ZZZ3: variants seen among roughly 807,000 people sequenced by gnomAD.
ZZZ3 encodes zinc finger ZZ-type containing 3.
Under a neutral mutation model 95.2 loss-of-function variants are expected in ZZZ3, and 22 were observed. The ratio of observed to expected loss-of-function variants is 0.23; its 90% confidence interval spans 0.17 to 0.33. The LOEUF (loss-of-function observed/expected upper bound fraction) is 0.33. ZZZ3 is among the 10% of genes least tolerant of loss of function. ZZZ3 has a pLI of 1.00. For synonymous variants in ZZZ3, 335 were observed against 358.9 expected (o/e 0.93, Z 0.75); for missense variants, 885 against 1,066.5 (o/e 0.83, Z 2.37).
At chr1:77,669,749 C>T (rs758776739) in intron 1 of ZZZ3, among the ~76,000 whole-genome samples, 5 of 151,960 alleles carry the variant, frequency 3.3e-5, no homozygotes, top group Non-Finnish European at 5.9e-5. Flanking sequence ...TGAGCCACTG[C>T]GCCCCGGCCT....
At chr1:77,593,368 A>G (rs1030121974) in intron 5 of ZZZ3, among the ~76,000 whole-genome samples, 1 of 152,256 alleles carries the variant, frequency 6.6e-6, no homozygotes, top group African/African-American at 2.4e-5. Flanking sequence ...TTAATATAGC[A>G]ATGAAAATGG....
intron 8 of ZZZ3, 66 bp from the exon 9 acceptor site, chr1:77,581,135 T>C: frequency 8.2e-7 from 1 of 1,217,998 alleles, no homozygotes; most frequent in Non-Finnish European, 1.2e-6. Context: ...TATAGCCAAA[T>C]AACACGCAAA....
intron 5 of ZZZ3, among the ~76,000 whole-genome samples, chr1:77,612,176 G>A (rs370646258): frequency 6.6e-6 from 1 of 151,882 alleles, no homozygotes; most frequent in South Asian, 2.1e-4. Context: ...ATGGTCAATG[G>A]GTATATGAAA....
At chr1:77,662,900 T>A (rs970456538) in intron 1 of ZZZ3, among the ~76,000 whole-genome samples, 6 of 151,808 alleles carry the variant, frequency 4.0e-5, no homozygotes, top group Non-Finnish European at 8.8e-5. Context: ...ATCTCAGGAG[T>A]TGGAGACCAG....
chr1:77,644,331 C>A (rs893347028), intron 1 of ZZZ3, among the ~76,000 whole-genome samples: 1 of 152,212 alleles, frequency 6.6e-6, no homozygotes, highest in African/African-American at 2.4e-5. Flanking sequence ...TCCCAAAGTG[C>A]TGGGATTACA....
intron 4 of ZZZ3, among the ~76,000 whole-genome samples, chr1:77,634,166 T>C (rs1165785415): frequency 2.0e-5 from 3 of 151,660 alleles, no homozygotes; most frequent in African/African-American, 7.3e-5. Context: ...TGAGACTGTC[T>C]CAAAAAAATA....
chr1:77,606,017 T>C (rs904649483), intron 5 of ZZZ3, among the ~76,000 whole-genome samples: 7 of 152,206 alleles, frequency 4.6e-5, no homozygotes, highest in Admixed American at 2.6e-4. Flanking sequence ...CACAGTGGGA[T>C]AGAGCACCAA....
chr1:77,628,756 T>C (rs1052911757), intron 5 of ZZZ3, among the ~76,000 whole-genome samples: 6 of 152,206 alleles, frequency 3.9e-5, no homozygotes, highest in Non-Finnish European at 8.8e-5. Flanking sequence ...CAAAGAATTA[T>C]GCCATGCTCA....
chr1:77,575,341 T>G (rs1024554103), intron 12 of ZZZ3, among the ~76,000 whole-genome samples: 1 of 152,240 alleles, frequency 6.6e-6, no homozygotes, highest in Non-Finnish European at 1.5e-5. Flanking sequence ...ATCACTATTC[T>G]GTAACATCTA....
At chr1:77,616,959 A>G (rs1263163600) in intron 5 of ZZZ3, among the ~76,000 whole-genome samples, 1 of 152,216 alleles carries the variant, frequency 6.6e-6, no homozygotes, top group African/African-American at 2.4e-5. Flanking sequence ...TATATGTTCT[A>G]CTATACTTAA....
At chr1:77,644,901 G>A (rs1295234017) in intron 1 of ZZZ3, among the ~76,000 whole-genome samples, 1 of 152,182 alleles carries the variant, frequency 6.6e-6, no homozygotes, top group Non-Finnish European at 1.5e-5. Flanking sequence ...ATCATACTTT[G>A]AAAAAACTAC....
At chr1:77,656,515 A>G (rs1421470099) in intron 1 of ZZZ3, among the ~76,000 whole-genome samples, 1 of 152,212 alleles carries the variant, frequency 6.6e-6, no homozygotes, top group Non-Finnish European at 1.5e-5. Flanking sequence ...AAGATTCACA[A>G]TGAGTTAGGA....
At chr1:77,579,667 T>C in intron 9 of ZZZ3, 39 bp from the exon 10 acceptor site, 3 of 1,168,408 alleles carry the variant, frequency 2.6e-6, no homozygotes, top group Middle Eastern at 4.0e-4. Flanking sequence ...AAAATATGTA[T>C]TTAATTTTAA....
intron 9 of ZZZ3, chr1:77,580,788 C>T (rs1662429742): frequency 6.5e-6 from 3 of 459,102 alleles, no homozygotes; most frequent in Admixed American, 6.8e-5. Context: ...CACGCCATCA[C>T]ACCCGGCTAA....
At chr1:77,633,886 C>A (rs1235220025) in intron 4 of ZZZ3, among the ~76,000 whole-genome samples, 6 of 152,092 alleles carry the variant, frequency 3.9e-5, no homozygotes, top group Non-Finnish European at 8.8e-5. Context: ...AAATAATAAT[C>A]TTCGGCCGGG....
At position 77,565,060 on chromosome 1, in the gene ZZZ3, A is replaced by G. The variant is rs1382069545; in HGVS notation, c.*580T>C. On this transcript the variant is annotated 3_prime_UTR_variant, in exon 15 of 15. Coordinates refer to ENST00000370801, the MANE Select transcript of ZZZ3 (RefSeq NM_015534.6). ...CTCCTGTAGTGCTTCACTGTTGGTA[A>G]TTAAGGACAATTCATTGTGGTTAAA... 1 of 152,664 alleles carries G rather than the reference A, an allele frequency of 6.6e-6. No homozygotes were observed. Among genetic ancestry groups the G allele is most frequent in the African/African-American group, 2.4e-5 (1 of 41,456 alleles). The allele number at this position is 152,664 out of a possible 1,614,324, so 9.5% of individuals were successfully genotyped here.
chr1:77,586,108 G>A (rs1288751567), intron 5 of ZZZ3, among the ~76,000 whole-genome samples: 1 of 152,262 alleles, frequency 6.6e-6, no homozygotes, highest in East Asian at 1.9e-4. Flanking sequence ...CTTTTGCTTT[G>A]AGGTGTATGC....
chr1:77,617,129 G>C (rs1039028904), intron 5 of ZZZ3, among the ~76,000 whole-genome samples: 1 of 152,216 alleles, frequency 6.6e-6, no homozygotes, highest in East Asian at 1.9e-4. Context: ...TCATCTGTCT[G>C]TGGTAAAAAT....
chr1:77,587,999 A>G (rs1023969971), intron 5 of ZZZ3, among the ~76,000 whole-genome samples: 61 of 152,350 alleles, frequency 4.0e-4, no homozygotes, highest in Middle Eastern at 3.4e-3. Context: ...TATAAAGTAC[A>G]TGTAACAGAC....
Sources: allele counts gnomAD v4.1 joint callset (sites outside exome capture counted in the v4.1 genomes callset), GRCh38; gene constraint gnomAD v4.1.1; transcripts MANE v1.5; gene names NCBI Gene and HGNC (gene_info 2026-07-23, HGNC 2026-07-21).